FOSL2: variants seen among roughly 807,000 people sequenced by gnomAD.
FOSL2 encodes FOS like 2, AP-1 transcription factor subunit.
Under a neutral mutation model 27.7 loss-of-function variants are expected in FOSL2, and 3 were observed. The ratio of observed to expected loss-of-function variants is 0.11; its 90% confidence interval spans 0.05 to 0.28. The LOEUF is 0.28. Ranked by LOEUF, FOSL2 falls within the 10% of genes least tolerant of loss-of-function variation. FOSL2 has a pLI of 1.00. For synonymous variants in FOSL2, 179 were observed against 190.1 expected (o/e 0.94, Z 0.48); for missense variants, 333 against 445.1 (o/e 0.75, Z 2.27).
intron 1 of FOSL2, among the ~76,000 whole-genome samples, chr2:28,402,840 A>G (rs1048682456): frequency 3.8e-4 from 58 of 152,332 alleles, no homozygotes; most frequent in African/African-American, 1.3e-3. Context: ...CTTATTAGCA[A>G]TGTGGCCTTG....
At chr2:28,410,274 A>T (rs2148097112) in intron 3 of FOSL2, among the ~76,000 whole-genome samples, 1 of 151,776 alleles carries the variant, frequency 6.6e-6, no homozygotes, top group South Asian at 2.1e-4. Context: ...CCCACCACTA[A>T]CCTTTCTGTG....
rs552779424 is a variant in FOSL2, at chr2:28,417,051, A to G, written c.*4603A>G. On this transcript the variant is annotated 3_prime_UTR_variant, in exon 4 of 4. Coordinates refer to ENST00000264716, the MANE Select transcript of FOSL2 (RefSeq NM_005253.4). ...AACCGCAAGCTCAAAATCTTTGTAT[A>G]GTTTTGAAAATTGAGGAGTAGCTTT... 5.3e-5 allele frequency: 8 copies of G among 150,072 alleles called. No homozygotes were observed. Among genetic ancestry groups the G allele is most frequent in the Middle Eastern group, 6.9e-3 (2 of 290 alleles). The allele number at this position is 150,072 out of a possible 1,614,324, so 9.3% of individuals were successfully genotyped here. A position where few individuals can be genotyped will look rare whatever the true frequency, so the allele number is the denominator to read the frequency against.
At chr2:28,407,638 C>T (rs1664110056) in intron 2 of FOSL2, among the ~76,000 whole-genome samples, 1 of 152,232 alleles carries the variant, frequency 6.6e-6, no homozygotes, top group African/African-American at 2.4e-5. Flanking sequence ...AGAGCTGACC[C>T]AGGTCTTATT....
chr2:28,396,815 C>CACACACACACACACACACACAA (rs1558564654), intron 1 of FOSL2: 37 of 151,738 alleles, frequency 2.4e-4, no homozygotes, highest in African/African-American at 8.3e-4. Flanking sequence ...CACACACACA[C>CACACACACACACACACACACAA]ACACACACAC....
At position 28,416,792 on chromosome 2, in the gene FOSL2, A is replaced by T. The variant is rs933889851; in HGVS notation, c.*4344A>T. ...TTTCTGCCGTGGGAGATGTGTATAT[A>T]TATAGTATTTTGGTGTATAGTAGAA... On this transcript the variant is annotated 3_prime_UTR_variant, in exon 4 of 4. Coordinates refer to ENST00000264716, the MANE Select transcript of FOSL2 (RefSeq NM_005253.4). 2 of 152,090 alleles carry T rather than the reference A, an allele frequency of 1.3e-5. No individual in the cohort carries two copies. The highest frequency in any genetic ancestry group is 4.8e-5 in the African/African-American group (2 of 41,410). The allele number at this position is 152,090 out of a possible 1,614,324, so 9.4% of individuals were successfully genotyped here.
chr2:28,416,225 TA>T lies in FOSL2; in HGVS notation c.*3778del, dbSNP rs1478064637. ...TCCCACTATGAATCTGGCATCTTCTTATGCTTCTAGTGTTTTGGCCATACAT... is the reference window on the plus strand; with the variant it reads ...TCCCACTATGAATCTGGCATCTTCTTTGCTTCTAGTGTTTTGGCCATACAT... On this transcript the variant is annotated 3_prime_UTR_variant, in exon 4 of 4. Transcript: ENST00000264716. 6.6e-6 allele frequency: 1 copy of T among 152,150 alleles called. No homozygotes were observed. Among genetic ancestry groups the T allele is most frequent in the Non-Finnish European group, 1.5e-5 (1 of 68,024 alleles). The allele number at this position is 152,150 out of a possible 1,614,324, so 9.4% of individuals were successfully genotyped here.
In FOSL2 at chr2:28,412,551, G is replaced by A. The variant is rs766159790; in HGVS notation, c.*103G>A. The stretch of plus-strand genomic sequence containing the variant: ...TCCAGGGCCGTGAGGGCAAGAGGGG[G>A]ACCTGCCACCAGGGAGCTTCCTGGC... On this transcript the variant is annotated 3_prime_UTR_variant, in exon 4 of 4. Coordinates refer to ENST00000264716, the MANE Select transcript of FOSL2 (RefSeq NM_005253.4). This position sits in a 1 kb window ranked among gnomAD's most constrained non-coding sequence, Gnocchi z 7.1. 2 of 1,374,264 alleles carry A rather than the reference G, an allele frequency of 1.5e-6. No homozygotes were observed. The highest frequency in any genetic ancestry group is 2.0e-6 in the Non-Finnish European group (2 of 1,017,936). The allele number at this position is 1,374,264 out of a possible 1,614,324, so 85.1% of individuals were successfully genotyped here.
intron 1 of FOSL2, among the ~76,000 whole-genome samples, chr2:28,403,570 T>C (rs1049420415): frequency 3.9e-5 from 6 of 152,200 alleles, no homozygotes; most frequent in African/African-American, 1.4e-4. Flanking sequence ...GATGGAGTCA[T>C]AGCTCTGTCC....
At position 28,393,594 on chromosome 2, in the gene FOSL2, C is replaced by T. The variant is rs927928733; in HGVS notation, c.-127C>T. On this transcript the variant is annotated 5_prime_UTR_variant, in exon 1 of 4. Transcript: ENST00000264716. The surrounding 1 kb of genome is among the most constrained non-coding windows in gnomAD (Gnocchi z 4.6). ...CGCCCTCCGCGGTGGGGGAGAAACCCAGGAGCGAAGCCCAGAGCCCGCGGC... is the reference window on the plus strand; with the variant it reads ...CGCCCTCCGCGGTGGGGGAGAAACCTAGGAGCGAAGCCCAGAGCCCGCGGC... 10 of 666,298 alleles carry T rather than the reference C, an allele frequency of 1.5e-5. No homozygotes were observed. Among genetic ancestry groups the T allele is most frequent in the Admixed American group, 6.0e-5 (2 of 33,548 alleles). 41.3% of individuals were successfully genotyped at this position (666,298 alleles called of 1,614,324 possible).
In FOSL2 at chr2:28,393,753, C is replaced by G; in HGVS notation, c.33C>G (p.Thr11=). The change falls in exon 1 of 4, where the codon ACC becomes ACG. Residue 11 remains threonine, a synonymous_variant. Transcript: ENST00000264716. The surrounding 1 kb of genome is among the most constrained non-coding windows in gnomAD (Gnocchi z 4.6). ...AGGATTATCCCGGGAACTTTGACAC[C>G]TCGTCCCGGGGCAGCAGCGGCTCTC... MYQDYPGNFD[T]SSRGSSGSPA... 1.2e-6 allele frequency: 2 copies of G among 1,610,344 alleles called. No homozygotes were observed. The highest frequency in any genetic ancestry group is 1.7e-6 in the Non-Finnish European group (2 of 1,178,638).
intron 1 of FOSL2, among the ~76,000 whole-genome samples, chr2:28,399,055 A>G (rs1381916015): frequency 5.3e-5 from 8 of 152,218 alleles, no homozygotes; most frequent in African/African-American, 1.9e-4. Flanking sequence ...ATCTAAAGAA[A>G]GGGTTCTTAA....
intron 1 of FOSL2, among the ~76,000 whole-genome samples, chr2:28,397,333 T>C (rs542940024): frequency 6.6e-6 from 1 of 152,314 alleles, no homozygotes; most frequent in South Asian, 2.1e-4. Flanking sequence ...TATGTGCTTA[T>C]ATTAGGAGGG....
Position 28,393,735 on chromosome 2 carries a change from T to C in FOSL2, c.15T>C (p.Tyr5=). The C allele has an allele frequency of 1.2e-6, 2 of 1,609,898 alleles. No individual in the cohort carries two copies. Among genetic ancestry groups the C allele is most frequent in the South Asian group, 1.1e-5 (1 of 90,738 alleles). MYQD[Y]PGNFDTSSRG... is the part of the protein sequence containing the mutation. ...CACCGCGGATCATGTACCAGGATTATCCCGGGAACTTTGACACCTCGTCCC... is the reference window on the plus strand; with the variant it reads ...CACCGCGGATCATGTACCAGGATTACCCCGGGAACTTTGACACCTCGTCCC... The change falls in exon 1 of 4, where the codon TAT becomes TAC. Residue 5 remains tyrosine, a synonymous_variant. Coordinates refer to ENST00000264716, the MANE Select transcript of FOSL2 (RefSeq NM_005253.4). This position sits in a 1 kb window ranked among gnomAD's most constrained non-coding sequence, Gnocchi z 4.6.
Position 28,415,063 on chromosome 2 carries a change from C to T in FOSL2, c.*2615C>T, listed in dbSNP as rs1664285505. On this transcript the variant is annotated 3_prime_UTR_variant, in exon 4 of 4. Coordinates refer to ENST00000264716, the MANE Select transcript of FOSL2 (RefSeq NM_005253.4). The stretch of plus-strand genomic sequence containing the variant: ...CCCTTGCTCCAGAATCACCAGACAC[C>T]TCCATGGCTCCAGCTATGGGAACAG... The T allele has an allele frequency of 6.6e-6, 1 of 152,304 alleles. No homozygotes were observed. Among genetic ancestry groups the T allele is most frequent in the African/African-American group, 2.4e-5 (1 of 41,458 alleles). The allele number at this position is 152,304 out of a possible 1,614,324, so 9.4% of individuals were successfully genotyped here. A position where few individuals can be genotyped will look rare whatever the true frequency, so the allele number is the denominator to read the frequency against.
At chr2:28,405,652 G>A (rs183804761) in intron 2 of FOSL2, among the ~76,000 whole-genome samples, 51 of 152,246 alleles carry the variant, frequency 3.3e-4, no homozygotes, top group African/African-American at 7.5e-4. Context: ...CTGCTCCTGC[G>A]AGGACAAAGC....
At chr2:28,406,802 C>T (rs1164939538) in intron 2 of FOSL2, among the ~76,000 whole-genome samples, 2 of 152,336 alleles carry the variant, frequency 1.3e-5, no homozygotes, top group African/African-American at 4.8e-5. Context: ...CTCCGGCCGT[C>T]CCCAGCCTCC....
chr2:28,394,145 C>A (rs866303621), intron 1 of FOSL2, among the ~76,000 whole-genome samples: 10,879 of 129,404 alleles, frequency 0.084, 1,302 homozygotes, highest in African/African-American at 0.25. Flanking sequence ...CTGCCCCCCC[C>A]CCCCCACCCC....
At chr2:28,407,631 G>A (rs1447838639) in intron 2 of FOSL2, among the ~76,000 whole-genome samples, 1 of 152,208 alleles carries the variant, frequency 6.6e-6, no homozygotes, top group African/African-American at 2.4e-5. Flanking sequence ...TCCCGTGAGA[G>A]CTGACCCAGG....
At chr2:28,406,664 G>A (rs905828772) in intron 2 of FOSL2, among the ~76,000 whole-genome samples, 1 of 152,192 alleles carries the variant, frequency 6.6e-6, no homozygotes, top group African/African-American at 2.4e-5. Flanking sequence ...AGAGAACAAG[G>A]AGCATTGTAT....
Sources: allele counts gnomAD v4.1 joint callset (sites outside exome capture counted in the v4.1 genomes callset), GRCh38; gene constraint gnomAD v4.1.1; non-coding constraint Gnocchi (gnomAD v3.1); transcripts MANE v1.5; gene names NCBI Gene and HGNC (gene_info 2026-07-23, HGNC 2026-07-21).